The following MOV10 variants were observed in gnomAD, a reference collection of about 807,000 sequenced individuals.
MOV10 encodes Mov10 RNA helicase.
MOV10 carries 39 observed loss-of-function variants against 108.4 expected under a neutral mutation model. That is an observed-to-expected ratio of 0.36 (90% CI 0.28 to 0.47). The LOEUF is 0.47. Among genes scored for constraint, MOV10 ranks in the 20% least tolerant of loss-of-function variants. MOV10 has a pLI of 1.00. For synonymous variants in MOV10, 490 were observed against 523.1 expected, an observed-to-expected ratio of 0.94 and a Z score of 0.86; for missense variants, 952 against 1,297.6, an observed-to-expected ratio of 0.73 and a Z score of 4.09.
chr1:112,689,769 G>A, intron 4 of MOV10, 71 bp from the exon 5 acceptor site: 1 of 1,587,422 alleles, frequency 6.3e-7, no homozygotes, highest in Non-Finnish European at 8.6e-7. Context: ...GGGGCTTCCT[G>A]GGGGAGTGTC....
Position 112,696,452 on chromosome 1 carries a change from G to C in MOV10, c.1899G>C (p.Gln633His). Residue 633 changes from glutamine (Q) to histidine (H), a missense_variant, in exon 13 of 21, where the codon CAG becomes CAC. Transcript: ENST00000369645. ...CACCTCCCAGGTTGGTCTCGGCCCA[G>C]TTTCCCATTGATCACTTCACACACA... ...LITAGRLVSA[Q>H]FPIDHFTHIF... 1.9e-6 allele frequency: 3 copies of C among 1,614,090 alleles called. No homozygotes were observed. Among genetic ancestry groups the C allele is most frequent in the South Asian group, 1.1e-5 (1 of 91,084 alleles).
At chr1:112,685,386 G>T (rs1672992580) in intron 2 of MOV10, among the ~76,000 whole-genome samples, 1 of 151,968 alleles carries the variant, frequency 6.6e-6, no homozygotes, top group Admixed American at 6.6e-5. Context: ...GCCGGGCACG[G>T]TGGCTCACAC....
chr1:112,698,841 C>T (rs973098862), intron 17 of MOV10, 52 bp downstream of exon 17: 41 of 1,496,372 alleles, frequency 2.7e-5, no homozygotes, highest in Non-Finnish European at 3.6e-5. Flanking sequence ...CCCCACTTGC[C>T]CACTTCCAGA....
chr1:112,696,253 TG>T lies in MOV10; in HGVS notation c.1883+6del. On this transcript the variant is annotated splice_donor_region_variant and intron_variant, in intron 12 of 20. Transcript: ENST00000369645. ...TACCACCCTCATCACTGCCGGCAGG[TG>T]GGGAGTGTGTGTGGGTGTGTCTCTG... 1 of 1,600,356 alleles carries T rather than the reference TG, an allele frequency of 6.2e-7. No individual in the cohort carries two copies. Among genetic ancestry groups the T allele is most frequent in the Non-Finnish European group, 8.6e-7 (1 of 1,167,882 alleles).
chr1:112,696,561 T>C (rs1674107182), intron 13 of MOV10, 27 bp downstream of exon 13: 1 of 1,611,362 alleles, frequency 6.2e-7, no homozygotes, highest in African/African-American at 1.3e-5. Context: ...GGGCTGCAGG[T>C]ATACACCCTG....
chr1:112,694,617 A>G lies in MOV10; in HGVS notation c.1460A>G (p.Asp487Gly). Residue 487 changes from aspartate to glycine, a missense_variant, in exon 9 of 21, where the codon GAT becomes GGT. By Grantham distance (94) the Asp-to-Gly change is moderately conservative (BLOSUM62 -1). Transcript: ENST00000369645. The surrounding 1 kb of genome is among the most constrained non-coding windows in gnomAD (Gnocchi z 4.1). ...CGGGACGTCCCGCTGCTGCCCTCAG[A>G]TGTGAAACTCAAGTGAGACTGTGGG... ...APRDVPLLPS[D>G]VKLKLYDRSL... 6.2e-7 allele frequency: 1 copy of G among 1,604,046 alleles called. No homozygotes were observed. Among genetic ancestry groups the G allele is most frequent in the Non-Finnish European group, 8.5e-7 (1 of 1,174,344 alleles).
Position 112,694,979 on chromosome 1 carries a change from A to G in MOV10, c.1620+83A>G. ...TGTCCCCAGATTCTAGTTCCTTCCC[A>G]CTCCCGAAATGCTCCTGCTTCTAAG... On this transcript the variant is annotated intron_variant, in intron 10 of 20. Transcript: ENST00000369645. The surrounding 1 kb of genome is among the most constrained non-coding windows in gnomAD (Gnocchi z 4.1). 1 of 1,456,336 alleles carries G rather than the reference A, an allele frequency of 6.9e-7. No homozygotes were observed. Among genetic ancestry groups the G allele is most frequent in the Non-Finnish European group, 9.3e-7 (1 of 1,080,670 alleles). The allele number at this position is 1,456,336 out of a possible 1,614,324, so 90.2% of individuals were successfully genotyped here.
rs544329480 is a variant in MOV10, at chr1:112,700,397, G to A, written c.2921-19G>A. 2.5e-6 allele frequency: 4 copies of A among 1,613,804 alleles called. No homozygotes were observed. In the East Asian group the frequency reaches 8.9e-5, roughly 36 times the overall value. On this transcript the variant is annotated intron_variant, in intron 20 of 20. Coordinates refer to ENST00000369645, the MANE Select transcript of MOV10 (RefSeq NM_001321324.2). ...GAGGAGGTGGTAAGGAAGACACAGTGTACTTTCTCTCTTTCCAGGGCCCCA... is the reference window on the plus strand; with the variant it reads ...GAGGAGGTGGTAAGGAAGACACAGTATACTTTCTCTCTTTCCAGGGCCCCA...
At chr1:112,697,965 G>A (rs764671579) in intron 14 of MOV10, 29 bp from the exon 15 acceptor site, 1 of 1,588,542 alleles carries the variant, frequency 6.3e-7, no homozygotes, top group South Asian at 1.1e-5. Context: ...CTGACCCTTG[G>A]TCTTGCTTTT....
chr1:112,695,117 A>G (rs971432221), intron 10 of MOV10, among the ~76,000 whole-genome samples: 2 of 151,952 alleles, frequency 1.3e-5, no homozygotes, highest in Non-Finnish European at 2.9e-5. Context: ...ATATTGCAAG[A>G]CCCTATCTCT....
At chr1:112,683,673 G>A (rs1557754123) in intron 2 of MOV10, among the ~76,000 whole-genome samples, 2 of 152,114 alleles carry the variant, frequency 1.3e-5, no homozygotes, top group African/African-American at 4.8e-5. Flanking sequence ...GTTTCGTATT[G>A]TGAGCCTTTT....
At chr1:112,677,931 T>G (rs1183090823) in intron 2 of MOV10, among the ~76,000 whole-genome samples, 1 of 152,146 alleles carries the variant, frequency 6.6e-6, no homozygotes, top group Admixed American at 6.5e-5. Flanking sequence ...CAAATATAGT[T>G]AATGAGGCTC....
At chr1:112,697,595 G>A (rs1674223628) in intron 14 of MOV10, among the ~76,000 whole-genome samples, 1 of 152,158 alleles carries the variant, frequency 6.6e-6, no homozygotes, top group Non-Finnish European at 1.5e-5. Flanking sequence ...GTTTTATGCT[G>A]TCACTAAGAG....
At chr1:112,679,875 C>T (rs1311667939) in intron 2 of MOV10, among the ~76,000 whole-genome samples, 3 of 152,076 alleles carry the variant, frequency 2.0e-5, no homozygotes, top group African/African-American at 7.3e-5. Context: ...TAAATTTGTA[C>T]AACCTGTTTA....
Position 112,700,340 on chromosome 1 carries a change from G to A in MOV10, c.2920G>A (p.Gly974Arg). The change falls in exon 20 of 21, where the codon GGG becomes AGG. Residue 974 changes from glycine to arginine, a missense_variant and splice_region_variant. By Grantham distance (125) the Gly-to-Arg change is moderately radical (BLOSUM62 -2). Transcript: ENST00000369645. ...GLSKLSPSTSGPHSHDYLPQE... is the reference protein window; with the variant it reads ...GLSKLSPSTSRPHSHDYLPQE... ...GAGCAAGCTCAGCCCCTCTACCTCA[G>A]GTATGGCTGGGCCAGGGTGGGGACA... The A allele has an allele frequency of 6.2e-7, 1 of 1,614,230 alleles. No homozygotes were observed. The highest frequency in any genetic ancestry group is 1.3e-5 in the African/African-American group (1 of 75,062).
At position 112,675,156 on chromosome 1, in the gene MOV10, C is replaced by T; in HGVS notation, c.137+107C>T. 7.3e-7 allele frequency: 1 copy of T among 1,369,070 alleles called. No individual in the cohort carries two copies. The allele number at this position is 1,369,070 out of a possible 1,614,324, so 84.8% of individuals were successfully genotyped here. A position where few individuals can be genotyped will look rare whatever the true frequency, so the allele number is the denominator to read the frequency against. On this transcript the variant is annotated intron_variant, in intron 2 of 20. Transcript: ENST00000369645. The surrounding 1 kb of genome is among the most constrained non-coding windows in gnomAD (Gnocchi z 4.7). ...CCCGGGGCGCAGAGGGACGCAGCTC[C>T]CCCAGCGGCTCAGGCCAGTCCCGGG...
In MOV10 at chr1:112,675,097, G is replaced by C; in HGVS notation, c.137+48G>C. On this transcript the variant is annotated intron_variant, in intron 2 of 20. Coordinates refer to ENST00000369645, the MANE Select transcript of MOV10 (RefSeq NM_001321324.2). This position sits in a 1 kb window ranked among gnomAD's most constrained non-coding sequence, Gnocchi z 4.7. The stretch of plus-strand genomic sequence containing the variant: ...CCCCGAATCGCGGGCCCAGCTTGCT[G>C]CCACGACCCCCGCGCGAGGGCCACC... The C allele has an allele frequency of 6.4e-7, 1 of 1,565,978 alleles. No individual in the cohort carries two copies. The highest frequency in any genetic ancestry group is 8.6e-7 in the Non-Finnish European group (1 of 1,160,504).
chr1:112,689,700 G>A lies in MOV10; in HGVS notation c.577+50G>A. Reference sequence around the variant, plus strand: ...GCTGGTGGACAGGGGCTTGTCCCAGGCAGTGCTTATGCTTTGGGAAACACA... The same window carrying A: ...GCTGGTGGACAGGGGCTTGTCCCAGACAGTGCTTATGCTTTGGGAAACACA... On this transcript the variant is annotated intron_variant, in intron 4 of 20. Coordinates refer to ENST00000369645, the MANE Select transcript of MOV10 (RefSeq NM_001321324.2). 1.9e-6 allele frequency: 3 copies of A among 1,597,506 alleles called. No homozygotes were observed. The African/African-American group carries it at 4.0e-5, about 21-fold the overall frequency.
intron 5 of MOV10, 67 bp from the exon 6 acceptor site, chr1:112,691,598 C>A: frequency 1.3e-6 from 2 of 1,574,124 alleles, no homozygotes; most frequent in Non-Finnish European, 1.7e-6. Context: ...GCATCCACCC[C>A]AGAGGGGCGT....
Sources: allele counts gnomAD v4.1 joint callset (sites outside exome capture counted in the v4.1 genomes callset), GRCh38; gene constraint gnomAD v4.1.1; non-coding constraint Gnocchi (gnomAD v3.1); transcripts MANE v1.5; gene names NCBI Gene and HGNC (gene_info 2026-07-23, HGNC 2026-07-21).